UVRAG: variants seen among roughly 807,000 people sequenced by gnomAD.
UVRAG encodes the protein UV radiation resistance-associated gene protein.
In UVRAG, 19 loss-of-function variants were observed where a neutral mutation model predicts 78.0. The observed-to-expected ratio is 0.24, with a 90% CI of 0.17 to 0.36. The LOEUF is 0.36. UVRAG is among the 10% of genes least tolerant of loss of function. The pLI is 1.00. For synonymous variants in UVRAG, 323 were observed against 324.6 expected (o/e 1.00, Z 0.05); for missense variants, 740 against 853.8 (o/e 0.87, Z 1.66).
At chr11:75,863,945 A>G (rs141145926) in intron 3 of UVRAG, among the ~76,000 whole-genome samples, 5 of 151,944 alleles carry the variant, frequency 3.3e-5, no homozygotes, top group Admixed American at 6.5e-5. Flanking sequence ...GTGTATTTCT[A>G]TTGGGTAGTT....
Position 76,012,877 on chromosome 11 carries a change from T to C in UVRAG, c.1061-3938T>C, listed in dbSNP as rs1476505254. 3 of 151,632 alleles carry C rather than the reference T, an allele frequency of 2.0e-5. No homozygotes were observed. The East Asian group carries it at 5.8e-4, about 29-fold the overall frequency. The allele number at this position is 151,632 out of a possible 1,614,324, so 9.4% of individuals were successfully genotyped here. A position where few individuals can be genotyped will look rare whatever the true frequency, so the allele number is the denominator to read the frequency against. ...AGTAATCCATAACACGAGAGCCTTT[T>C]GTGGTAATGAGACCCAGATTTCCTT... On this transcript the variant is annotated intron_variant, in intron 11 of 14. Transcript: ENST00000356136.
At chr11:75,947,683 C>T (rs1051543518) in intron 6 of UVRAG, among the ~76,000 whole-genome samples, 2 of 152,074 alleles carry the variant, frequency 1.3e-5, no homozygotes, top group Non-Finnish European at 2.9e-5. Context: ...AGCTTAGGAA[C>T]GATGGGTTTG....
chr11:75,816,083 G>C (rs1010685388), intron 1 of UVRAG, among the ~76,000 whole-genome samples: 1 of 152,140 alleles, frequency 6.6e-6, no homozygotes, highest in Non-Finnish European at 1.5e-5. Context: ...CAAGACTTGG[G>C]GGTTTCCTTC....
At chr11:75,831,435 C>A (rs1471005056) in intron 1 of UVRAG, among the ~76,000 whole-genome samples, 1 of 151,938 alleles carries the variant, frequency 6.6e-6, no homozygotes, top group Non-Finnish European at 1.5e-5. Context: ...TTGCAGTTAG[C>A]CAAGATCGCA....
At chr11:76,114,083 T>C (rs665935) in intron 13 of UVRAG, among the ~76,000 whole-genome samples, 1 of 152,106 alleles carries the variant, frequency 6.6e-6, no homozygotes, top group African/African-American at 2.4e-5. Flanking sequence ...TTTTTTTTTT[T>C]CCTTGATGTT....
chr11:76,072,133 G>A lies in UVRAG; in HGVS notation c.1305+6345G>A, dbSNP rs113039394. On this transcript the variant is annotated intron_variant, in intron 13 of 14. Transcript: ENST00000356136. ...GAGAGAGACAAATACAGACACACACGTACAGTGGGATTTAATCCTGGGAAA... is the reference window on the plus strand; with the variant it reads ...GAGAGAGACAAATACAGACACACACATACAGTGGGATTTAATCCTGGGAAA... Among the ~76,000 whole-genome samples, 274 of 152,198 alleles carry A rather than the reference G, an allele frequency of 1.8e-3. 1 individual carries two copies. Among genetic ancestry groups the A allele is most frequent in the African/African-American group, 6.3e-3 (263 of 41,546 alleles).
At chr11:75,893,687 A>G (rs1425255870) in intron 5 of UVRAG, among the ~76,000 whole-genome samples, 9 of 151,050 alleles carry the variant, frequency 6.0e-5, no homozygotes, top group African/African-American at 2.2e-4. Context: ...AAAAAAAAAA[A>G]AAAAAAAAAA....
At chr11:75,871,639 A>G (rs908747608) in intron 3 of UVRAG, among the ~76,000 whole-genome samples, 2 of 152,212 alleles carry the variant, frequency 1.3e-5, no homozygotes, top group African/African-American at 4.8e-5. Flanking sequence ...TGTTGTATAT[A>G]GTAGTTCACT....
At chr11:76,027,015 A>G (rs1312397524) in intron 12 of UVRAG, among the ~76,000 whole-genome samples, 1 of 152,096 alleles carries the variant, frequency 6.6e-6, no homozygotes, top group African/African-American at 2.4e-5. Context: ...ACTGTGTTTT[A>G]GAACCAGTCG....
intron 7 of UVRAG, among the ~76,000 whole-genome samples, chr11:75,966,090 A>G (rs1371155216): frequency 2.0e-5 from 3 of 152,106 alleles, no homozygotes; most frequent in Non-Finnish European, 4.4e-5. Flanking sequence ...ATTTTGTCAG[A>G]TGGTTTTTCT....
chr11:76,029,599 A>G (rs908014856), intron 12 of UVRAG, among the ~76,000 whole-genome samples: 1 of 152,162 alleles, frequency 6.6e-6, no homozygotes, highest in African/African-American at 2.4e-5. Context: ...AGAAATAACT[A>G]TTTCATGATA....
rs187881699 is a variant in UVRAG at position 75,886,290 on chromosome 11, C to A, written c.433-2539C>A. 9.0e-4 allele frequency among the ~76,000 whole-genome samples: 137 copies of A among 152,302 alleles called. 1 individual carries two copies. The highest frequency in any genetic ancestry group is 1.7e-3 in the Non-Finnish European group (114 of 68,010). On this transcript the variant is annotated intron_variant, in intron 4 of 14. Coordinates refer to ENST00000356136, the MANE Select transcript of UVRAG (RefSeq NM_003369.4). Reference sequence around the variant, plus strand: ...TTAGATTTGTTTCTCCCCATACTCTCCCATCCCTTTCTTTAAGTGTATATT... The same window carrying A: ...TTAGATTTGTTTCTCCCCATACTCTACCATCCCTTTCTTTAAGTGTATATT...
At chr11:75,876,808 C>T (rs1590962055) in intron 3 of UVRAG, among the ~76,000 whole-genome samples, 1 of 150,956 alleles carries the variant, frequency 6.6e-6, no homozygotes, top group Admixed American at 6.6e-5. Flanking sequence ...ATTTTGTTTA[C>T]ATTCAGCAGT....
chr11:76,103,124 T>A (rs1951906782), intron 13 of UVRAG, among the ~76,000 whole-genome samples: 1 of 152,208 alleles, frequency 6.6e-6, no homozygotes, highest in Non-Finnish European at 1.5e-5. Context: ...CATCAAGCCC[T>A]TCTCATACTT....
chr11:75,866,482 A>T (rs1946544220), intron 3 of UVRAG, among the ~76,000 whole-genome samples: 1 of 151,960 alleles, frequency 6.6e-6, no homozygotes, highest in Admixed American at 6.6e-5. Context: ...CAGGAATTTG[A>T]GATTGTGGTG....
chr11:75,911,452 C>A, intron 5 of UVRAG: 1 of 166,492 alleles, frequency 6.0e-6, no homozygotes, highest in South Asian at 1.7e-4. Context: ...GATGTTCAGC[C>A]ATCATCTGGA....
In UVRAG at chr11:76,060,797, C is replaced by A. The variant is rs182977857; in HGVS notation, c.1227-4913C>A. ...TTTCTCGCCAGGCCTCAGCTGCCTC[C>A]CCGTGGGGCAGGGCTTGGGACCTGC... On this transcript the variant is annotated intron_variant, in intron 12 of 14. Coordinates refer to ENST00000356136, the MANE Select transcript of UVRAG (RefSeq NM_003369.4). Among the ~76,000 whole-genome samples the A allele has an allele frequency of 3.4e-4, 52 of 152,348 alleles. 3 individuals are homozygous for A. In the East Asian group the frequency reaches 9.8e-3, roughly 29 times the overall value.
intron 7 of UVRAG, among the ~76,000 whole-genome samples, chr11:75,968,424 A>C (rs773237452): frequency 2.0e-5 from 3 of 152,208 alleles, no homozygotes; most frequent in Non-Finnish European, 4.4e-5. Flanking sequence ...TTCATCTTTG[A>C]TGCATTAGAA....
chr11:75,989,681 G>GC (rs1949568736), intron 8 of UVRAG, among the ~76,000 whole-genome samples: 12 of 152,290 alleles, frequency 7.9e-5, no homozygotes, highest in Middle Eastern at 3.4e-3. Context: ...TCAAAGACAT[G>GC]CTCAAATACT....
Sources: allele counts gnomAD v4.1 joint callset (sites outside exome capture counted in the v4.1 genomes callset), GRCh38; gene constraint gnomAD v4.1.1; transcripts MANE v1.5; gene names NCBI Gene and HGNC (gene_info 2026-07-23, HGNC 2026-07-21).